Variants in BANP observed in about 807,000 individuals in gnomAD.
The protein encoded by BANP is BTG3 associated nuclear protein, also known as protein BANP.
Under a neutral mutation model 68.1 loss-of-function variants are expected in BANP, and 11 were observed. That is an observed-to-expected ratio of 0.16 (90% CI 0.10 to 0.27). The LOEUF (loss-of-function observed/expected upper bound fraction) is 0.27. Among genes scored for constraint, BANP ranks in the 10% least tolerant of loss-of-function variants. BANP has a pLI of 1.00. For synonymous variants in BANP, 329 were observed against 303.2 expected, an observed-to-expected ratio of 1.09 and a Z score of -0.88; for missense variants, 504 against 722.7, an observed-to-expected ratio of 0.70 and a Z score of 3.47.
intron 1 of BANP, among the ~76,000 whole-genome samples, chr16:87,965,394 C>G (rs1427724991): frequency 1.5e-5 from 2 of 137,724 alleles, no homozygotes; most frequent in East Asian, 2.2e-4. Flanking sequence ...AGAAATGGGG[C>G]TGGGGCTGGA....
At chr16:87,973,675 C>A (rs1407845103) in intron 1 of BANP, among the ~76,000 whole-genome samples, 1 of 147,242 alleles carries the variant, frequency 6.8e-6, no homozygotes, top group East Asian at 2.0e-4. Context: ...AGGAAAATTG[C>A]TTGAACCCAG....
intron 1 of BANP, chr16:87,966,610 T>G (rs1013928467): frequency 6.6e-6 from 1 of 152,184 alleles, no homozygotes; most frequent in Non-Finnish European, 1.5e-5. Flanking sequence ...GAGGTTAGGA[T>G]TCAGGATTTT....
intron 6 of BANP, among the ~76,000 whole-genome samples, chr16:88,013,919 C>A (rs1296169624): frequency 6.6e-6 from 1 of 152,096 alleles, no homozygotes; most frequent in African/African-American, 2.4e-5. Context: ...TGGATGGGAA[C>A]CGGTAGACTG....
At chr16:87,991,993 A>G (rs2065987391) in intron 4 of BANP, among the ~76,000 whole-genome samples, 2 of 152,170 alleles carry the variant, frequency 1.3e-5, no homozygotes, top group Non-Finnish European at 2.9e-5. Flanking sequence ...TTACCAGTAC[A>G]TTTTTCCCAG....
At chr16:88,049,981 T>A (rs1305107687) in intron 11 of BANP, among the ~76,000 whole-genome samples, 1 of 152,210 alleles carries the variant, frequency 6.6e-6, no homozygotes, top group East Asian at 1.9e-4. Context: ...TATGATATTC[T>A]TCCAATTAAG....
chr16:87,950,113 G>A (rs1293304704), upstream of BANP, among the ~76,000 whole-genome samples: 2 of 152,074 alleles, frequency 1.3e-5, no homozygotes, highest in African/African-American at 2.4e-5. Flanking sequence ...TCCTGACCTC[G>A]TGATCCACCC....
chr16:88,061,039 A>AG (rs1247112049), intron 11 of BANP, among the ~76,000 whole-genome samples: 2 of 152,056 alleles, frequency 1.3e-5, no homozygotes, highest in African/African-American at 2.4e-5. Context: ...CCCTGCTGGA[A>AG]GGGGGGGTGG....
Position 88,071,967 on chromosome 16 carries a change from C to T in BANP, c.1378-102C>T. ...GGCCGTGTCCCTGCCGCTCAGGGGA[C>T]AGCACGTGTGGGCTGGGGTCTGCGG... On this transcript the variant is annotated intron_variant, in intron 12 of 13. Transcript: ENST00000682872. The surrounding 1 kb of genome is among the most constrained non-coding windows in gnomAD (Gnocchi z 6.5). 4.8e-6 allele frequency: 7 copies of T among 1,466,788 alleles called. No homozygotes were observed. Among genetic ancestry groups the T allele is most frequent in the Non-Finnish European group, 6.4e-6 (7 of 1,086,512 alleles). 90.9% of individuals were successfully genotyped at this position (1,466,788 alleles called of 1,614,324 possible). A position where few individuals can be genotyped will look rare whatever the true frequency, so the allele number is the denominator to read the frequency against.
chr16:88,015,322 G>A (rs536693915), intron 6 of BANP, among the ~76,000 whole-genome samples: 96 of 149,464 alleles, frequency 6.4e-4, no homozygotes, highest in African/African-American at 2.3e-3. Context: ...CCCTCAGCTC[G>A]TGCCCTCTGC....
At chr16:87,991,503 A>C (rs943202685) in intron 4 of BANP, among the ~76,000 whole-genome samples, 5 of 152,258 alleles carry the variant, frequency 3.3e-5, no homozygotes, top group Non-Finnish European at 5.9e-5. Context: ...CCAACTTAAC[A>C]GTATTGAGTA....
chr16:88,004,198 C>A lies in BANP; in HGVS notation c.363-97C>A. On this transcript the variant is annotated intron_variant, in intron 4 of 13. Transcript: ENST00000682872. The surrounding 1 kb of genome is among the most constrained non-coding windows in gnomAD (Gnocchi z 7.0). ...TAGGCCTCCCCCTCAGTGCGGGTCC[C>A]TGGGAGTGGACTGTGTTGAATGACT... 1.3e-6 allele frequency: 1 copy of A among 782,218 alleles called. No individual in the cohort carries two copies. Among genetic ancestry groups the A allele is most frequent in the South Asian group, 1.5e-5 (1 of 68,252 alleles). The allele number at this position is 782,218 out of a possible 1,614,324, so 48.5% of individuals were successfully genotyped here.
intron 13 of BANP, 45 bp from the exon 14 acceptor site, chr16:88,076,545 T>G (rs1198866956): frequency 6.4e-7 from 1 of 1,565,090 alleles, no homozygotes; most frequent in Non-Finnish European, 8.8e-7. Context: ...GGCCATGCAG[T>G]GCTGGGTATT....
intron 11 of BANP, among the ~76,000 whole-genome samples, chr16:88,061,445 G>A (rs1171704217): frequency 1.3e-5 from 2 of 152,212 alleles, no homozygotes; most frequent in Non-Finnish European, 2.9e-5. Context: ...GGCCTGCTGT[G>A]TGTGCTCTGT....
Position 88,002,492 on chromosome 16 carries a change from A to G in BANP, c.363-1803A>G, listed in dbSNP as rs1182034918. On this transcript the variant is annotated intron_variant, in intron 4 of 13. Coordinates refer to ENST00000682872, the MANE Select transcript of BANP (RefSeq NM_001386991.1). The surrounding 1 kb of genome is among the most constrained non-coding windows in gnomAD (Gnocchi z 4.6). ...GCAGAGGTTGTTTTTTAGGTGGGAAAAGGGCTTTGTGGAAGGGAACACACA... is the reference window on the plus strand; with the variant it reads ...GCAGAGGTTGTTTTTTAGGTGGGAAGAGGGCTTTGTGGAAGGGAACACACA... 6.6e-6 allele frequency among the ~76,000 whole-genome samples: 1 copy of G among 151,960 alleles called. No homozygotes were observed. Among genetic ancestry groups the G allele is most frequent in the Non-Finnish European group, 1.5e-5 (1 of 67,998 alleles).
intron 8 of BANP, among the ~76,000 whole-genome samples, chr16:88,028,754 A>G (rs1238128138): frequency 2.6e-5 from 4 of 152,356 alleles, no homozygotes; most frequent in African/African-American, 4.8e-5. Context: ...AATATTGCGC[A>G]TGACTTGAAT....
At chr16:87,967,298 G>A (rs556959392) in intron 1 of BANP, among the ~76,000 whole-genome samples, 31 of 138,798 alleles carry the variant, frequency 2.2e-4, no homozygotes, top group Middle Eastern at 4.1e-3. Context: ...TAGTAGAGAC[G>A]GGGTTTCACC....
chr16:87,979,770 T>C (rs535481616), intron 2 of BANP, among the ~76,000 whole-genome samples: 3 of 152,328 alleles, frequency 2.0e-5, no homozygotes, highest in Admixed American at 1.3e-4. Context: ...TCTATTCTTA[T>C]ATACTGGCAT....
intron 6 of BANP, among the ~76,000 whole-genome samples, chr16:88,017,818 G>A (rs1279576413): frequency 6.6e-6 from 1 of 152,332 alleles, no homozygotes; most frequent in East Asian, 1.9e-4. Flanking sequence ...AGAACGTGGC[G>A]CATTCCCACA....
At chr16:87,986,279 C>G (rs1490008425) in intron 4 of BANP, among the ~76,000 whole-genome samples, 1 of 152,236 alleles carries the variant, frequency 6.6e-6, no homozygotes, top group Non-Finnish European at 1.5e-5. Flanking sequence ...TGTCACTTGT[C>G]ACGTTGTGCC....
Sources: allele counts gnomAD v4.1 joint callset (sites outside exome capture counted in the v4.1 genomes callset), GRCh38; gene constraint gnomAD v4.1.1; non-coding constraint Gnocchi (gnomAD v3.1); transcripts MANE v1.5; gene names NCBI Gene and HGNC (gene_info 2026-07-23, HGNC 2026-07-21).